The following AKR1C8 variants were observed in gnomAD, a reference collection of about 807,000 sequenced individuals.
The protein encoded by AKR1C8 is aldo-keto reductase family 1 member C-like protein 1.
chr10:5,181,118 C>T, the AKR1C8 span, among the ~76,000 whole-genome samples: 1 of 152,290 alleles, frequency 6.6e-6, no homozygotes, highest in Non-Finnish European at 1.5e-5. Context: ...TGTTCCTATT[C>T]GGCCTTCTTG....
At chr10:5,148,413 T>C in the AKR1C8 span, among the ~76,000 whole-genome samples, 1 of 152,152 alleles carries the variant, frequency 6.6e-6, no homozygotes, top group Non-Finnish European at 1.5e-5. Context: ...TAGAGGTTTG[T>C]TTTGGCAAGG....
the AKR1C8 span, among the ~76,000 whole-genome samples, chr10:5,176,662 G>A: frequency 6.6e-6 from 1 of 152,020 alleles, no homozygotes; most frequent in Non-Finnish European, 1.5e-5. Context: ...CTTAAGCAGT[G>A]GTTTGTAGTT....
chr10:5,182,405 C>G, the AKR1C8 span, among the ~76,000 whole-genome samples: 1 of 152,114 alleles, frequency 6.6e-6, no homozygotes, highest in Admixed American at 6.5e-5. Flanking sequence ...AAACAGGGTT[C>G]CTAACCTATA....
At chr10:5,164,547 C>G in the AKR1C8 span, among the ~76,000 whole-genome samples, 1 of 152,030 alleles carries the variant, frequency 6.6e-6, no homozygotes, top group Non-Finnish European at 1.5e-5. Flanking sequence ...AAACTCTTTA[C>G]TTTCATTTCA....
the AKR1C8 span, among the ~76,000 whole-genome samples, chr10:5,149,624 T>C: frequency 6.6e-6 from 1 of 152,136 alleles, no homozygotes; most frequent in Non-Finnish European, 1.5e-5. Flanking sequence ...GTAGATGGAA[T>C]AGGCAAGGTA....
chr10:5,151,619 C>G, the AKR1C8 span, among the ~76,000 whole-genome samples: 1 of 146,710 alleles, frequency 6.8e-6, no homozygotes, highest in Non-Finnish European at 1.5e-5. Flanking sequence ...TACAGTGGCA[C>G]AATCTCAGCT....
chr10:5,129,394 A>G, the AKR1C8 span, among the ~76,000 whole-genome samples: 1 of 152,018 alleles, frequency 6.6e-6, no homozygotes, highest in Non-Finnish European at 1.5e-5. Flanking sequence ...AACTAAACCC[A>G]AAGATATCTG....
At chr10:5,117,279 C>T in the AKR1C8 span, among the ~76,000 whole-genome samples, 27 of 152,166 alleles carry the variant, frequency 1.8e-4, no homozygotes, top group African/African-American at 6.3e-4. Context: ...AATGAGGTAG[C>T]GGACTTGAGC....
chr10:5,144,063 A>C, the AKR1C8 span, among the ~76,000 whole-genome samples: 2 of 152,166 alleles, frequency 1.3e-5, no homozygotes, highest in Non-Finnish European at 2.9e-5. Context: ...TAGTTATGGA[A>C]AATTATTCAG....
At chr10:5,141,599 T>C in the AKR1C8 span, among the ~76,000 whole-genome samples, 2 of 152,162 alleles carry the variant, frequency 1.3e-5, no homozygotes, top group African/African-American at 4.8e-5. Context: ...CCTTTATCCA[T>C]GTACTGAAGA....
the AKR1C8 span, among the ~76,000 whole-genome samples, chr10:5,135,693 GTGA>G: frequency 4.6e-5 from 7 of 152,058 alleles, no homozygotes; most frequent in African/African-American, 7.2e-5. Flanking sequence ...TGTTCATGCC[GTGA>G]TGATGTTTCA....
At chr10:5,178,843 C>G in the AKR1C8 span, among the ~76,000 whole-genome samples, 1 of 152,202 alleles carries the variant, frequency 6.6e-6, no homozygotes, top group Non-Finnish European at 1.5e-5. Flanking sequence ...AGATCTTCCT[C>G]CATCCTTTTA....
chr10:5,162,391 G>A, the AKR1C8 span, among the ~76,000 whole-genome samples: 5 of 152,208 alleles, frequency 3.3e-5, no homozygotes, highest in African/African-American at 1.2e-4. Context: ...CACACAGGGT[G>A]CATCCCTGGA....
the AKR1C8 span, among the ~76,000 whole-genome samples, chr10:5,147,493 C>A: frequency 1.3e-4 from 19 of 151,872 alleles, no homozygotes; most frequent in Non-Finnish European, 5.9e-5. Flanking sequence ...ACATCGTTAT[C>A]AGTTGTGAGT....
the AKR1C8 span, among the ~76,000 whole-genome samples, chr10:5,130,760 T>G: frequency 6.6e-6 from 1 of 151,760 alleles, no homozygotes; most frequent in African/African-American, 2.4e-5. Flanking sequence ...TATAAAACAC[T>G]GCTAAAAGAA....
the AKR1C8 span, chr10:5,155,857 G>A: frequency 2.6e-6 from 1 of 382,714 alleles, no homozygotes; most frequent in African/African-American, 2.1e-5. Flanking sequence ...GGATGGCATT[G>A]GGGGAAGCAT....
chr10:5,152,728 T>C, the AKR1C8 span, among the ~76,000 whole-genome samples: 1 of 152,284 alleles, frequency 6.6e-6, no homozygotes, highest in Non-Finnish European at 1.5e-5. Context: ...GAGGGTATTG[T>C]TTTATGAGTC....
the AKR1C8 span, among the ~76,000 whole-genome samples, chr10:5,147,365 C>A: frequency 6.6e-6 from 1 of 152,088 alleles, no homozygotes; most frequent in Non-Finnish European, 1.5e-5. Context: ...GCATTCTTCC[C>A]CTGGCCCAGC....
At chr10:5,160,928 A>G in the AKR1C8 span, 1 of 470,392 alleles carries the variant, frequency 2.1e-6, no homozygotes, top group East Asian at 6.9e-5. Context: ...GACATTTTCT[A>G]TGGAATTCTC....
Sources: allele counts gnomAD v4.1 joint callset (sites outside exome capture counted in the v4.1 genomes callset), GRCh38; gene constraint gnomAD v4.1.1; transcripts MANE v1.5; gene names NCBI Gene and HGNC (gene_info 2026-07-23, HGNC 2026-07-21).